Variants in EIF2AK4 observed in about 807,000 individuals in gnomAD.
EIF2AK4 encodes the protein eukaryotic translation initiation factor 2 alpha kinase 4.
Under a neutral mutation model 211.1 loss-of-function variants are expected in EIF2AK4, and 139 were observed. The observed-to-expected ratio is 0.66, with a 90% confidence interval of 0.57 to 0.76. The LOEUF (loss-of-function observed/expected upper bound fraction) is 0.76, where lower values mean the gene tolerates loss of function less well. EIF2AK4 is among the 30% of genes least tolerant of loss of function. The pLI, the probability that EIF2AK4 is intolerant of heterozygous loss-of-function variation, is 0.00. For missense variants in EIF2AK4, 1,664 were observed against 2,043.8 expected, an observed-to-expected ratio of 0.81 and a Z score of 3.58; for synonymous variants, 710 against 751.3, an observed-to-expected ratio of 0.94 and a Z score of 0.90.
intron 24 of EIF2AK4, among the ~76,000 whole-genome samples, chr15:40,007,519 G>A (rs988044831): frequency 2.0e-5 from 3 of 152,154 alleles, no homozygotes; most frequent in African/African-American, 7.2e-5. Context: ...AACGCTGAGC[G>A]CTGAGGACCT....
At chr15:40,005,370 TA>T (rs2035146018) in intron 23 of EIF2AK4, among the ~76,000 whole-genome samples, 1 of 151,674 alleles carries the variant, frequency 6.6e-6, no homozygotes, top group Non-Finnish European at 1.5e-5. Context: ...AAAGTTTTTT[TA>T]AAAAAATTGT....
chr15:40,029,679 C>T (rs1165584483), intron 34 of EIF2AK4, among the ~76,000 whole-genome samples: 5 of 152,178 alleles, frequency 3.3e-5, no homozygotes, highest in African/African-American at 4.8e-5. Context: ...TCTACTCTAT[C>T]TCTTATTTTT....
chr15:39,957,022 T>G (rs770231104), intron 6 of EIF2AK4, among the ~76,000 whole-genome samples: 3 of 152,210 alleles, frequency 2.0e-5, no homozygotes, highest in Non-Finnish European at 4.4e-5. Flanking sequence ...ACCATTCCTT[T>G]TTAAGATTAT....
chr15:39,955,505 A>G lies in EIF2AK4; in HGVS notation c.595-115A>G, dbSNP rs374308695. On this transcript the variant is annotated intron_variant, in intron 5 of 38. Transcript: ENST00000263791. ...TAAAAGTTAAGTTCAATTTTATTTCACTTGTAAACATTCAGCTTAAAATTT... is the reference window on the plus strand; with the variant it reads ...TAAAAGTTAAGTTCAATTTTATTTCGCTTGTAAACATTCAGCTTAAAATTT... 49 of 1,029,348 alleles carry G rather than the reference A, an allele frequency of 4.8e-5. 2 individuals are homozygous for G. In the African/African-American group the frequency reaches 8.1e-4, roughly 17 times the overall value. 63.8% of individuals were successfully genotyped at this position (1,029,348 alleles called of 1,614,324 possible). A position where few individuals can be genotyped will look rare whatever the true frequency, so the allele number is the denominator to read the frequency against.
At chr15:39,988,223 T>C (rs908410070) in intron 15 of EIF2AK4, 118 bp downstream of exon 15, 17 of 1,070,128 alleles carry the variant, frequency 1.6e-5, no homozygotes, top group Non-Finnish European at 2.2e-5. Context: ...TATGGGTATA[T>C]TGACATAATC....
chr15:39,990,471 A>C, intron 16 of EIF2AK4, 94 bp downstream of exon 16: 5 of 1,043,072 alleles, frequency 4.8e-6, no homozygotes, highest in Non-Finnish European at 7.3e-6. Flanking sequence ...GCGTTCACAG[A>C]ACTATGCCGT....
intron 12 of EIF2AK4, 109 bp from the exon 13 acceptor site, chr15:39,977,969 A>G: frequency 4.5e-6 from 3 of 662,578 alleles, no homozygotes; most frequent in Non-Finnish European, 7.8e-6. Context: ...CTGTGGGCTC[A>G]TGGTGTGATG....
At chr15:39,976,906 T>C in intron 12 of EIF2AK4, 62 bp downstream of exon 12, 1 of 1,404,646 alleles carries the variant, frequency 7.1e-7, no homozygotes, top group Non-Finnish European at 9.3e-7. Flanking sequence ...TCTTTATTTT[T>C]TTTTCCTTTT....
At chr15:39,992,385 C>G in intron 17 of EIF2AK4, 156 bp downstream of exon 17, 1 of 583,346 alleles carries the variant, frequency 1.7e-6, no homozygotes, top group Non-Finnish European at 2.8e-6. Context: ...ATCTTTTTTT[C>G]CTTTTCAATT....
chr15:39,968,575 C>T (rs1220059154), intron 9 of EIF2AK4, among the ~76,000 whole-genome samples: 1 of 152,228 alleles, frequency 6.6e-6, no homozygotes, highest in African/African-American at 2.4e-5. Flanking sequence ...TCCCTTCAGT[C>T]TGGATTTTTC....
chr15:39,987,493 G>C (rs2034882436), intron 14 of EIF2AK4, among the ~76,000 whole-genome samples: 1 of 152,160 alleles, frequency 6.6e-6, no homozygotes. Context: ...ACTCAAGAAG[G>C]GGTGAGACAG....
chr15:40,032,969 A>G (rs1349495007), intron 37 of EIF2AK4, among the ~76,000 whole-genome samples, 168 bp downstream of exon 37: 1 of 152,218 alleles, frequency 6.6e-6, no homozygotes, highest in Non-Finnish European at 1.5e-5. Flanking sequence ...CCTAAATCCT[A>G]TGTTGAAGGA....
intron 32 of EIF2AK4, among the ~76,000 whole-genome samples, chr15:40,023,659 C>T (rs2035424382): frequency 6.6e-6 from 1 of 152,174 alleles, no homozygotes; most frequent in South Asian, 2.1e-4. Flanking sequence ...TGTGTCCTCC[C>T]TCTTTTTTGT....
Position 39,996,959 on chromosome 15 carries a change from C to T in EIF2AK4, c.2767-5C>T, listed in dbSNP as rs779120886. The T allele has an allele frequency of 4.4e-6, 7 of 1,599,322 alleles. No individual in the cohort carries two copies. The African/African-American group carries it at 8.0e-5, about 18-fold the overall frequency. On this transcript the variant is annotated splice_region_variant and splice_polypyrimidine_tract_variant and intron_variant, in intron 18 of 38. Coordinates refer to ENST00000263791, the MANE Select transcript of EIF2AK4 (RefSeq NM_001013703.4). ...TCTCTAAATGCAATTATTCTTCCCCCTCAGAAAGTGGATCTCTTCAGCCTG... is the reference window on the plus strand; with the variant it reads ...TCTCTAAATGCAATTATTCTTCCCCTTCAGAAAGTGGATCTCTTCAGCCTG...
Position 40,035,054 on chromosome 15 carries a change from T to C in EIF2AK4, c.4920T>C (p.Tyr1640=), listed in dbSNP as rs769925613. 12 of 1,587,404 alleles carry C rather than the reference T, an allele frequency of 7.6e-6. No individual in the cohort carries two copies. The East Asian group carries it at 9.0e-5, about 12-fold the overall frequency. The part of the protein sequence containing the change: ...KKVSVLFLYS[Y]RDDYYRILF ...TGTCTGTGCTATTTCTGTACAGCTA[T>C]AGAGATGACTACTACAGAATCTTAT... Residue 1640 remains tyrosine (Y), a synonymous_variant, in exon 39 of 39, where the codon TAT becomes TAC. Coordinates refer to ENST00000263791, the MANE Select transcript of EIF2AK4 (RefSeq NM_001013703.4).
In EIF2AK4 at chr15:39,997,054, C is replaced by G. The variant is rs759101551; in HGVS notation, c.2857C>G (p.Gln953Glu). 9 of 1,611,296 alleles carry G rather than the reference C, an allele frequency of 5.6e-6. No homozygotes were observed. Among genetic ancestry groups the G allele is most frequent in the Middle Eastern group, 1.7e-4 (1 of 6,058 alleles). Reference protein sequence around the residue: ...TASERIFVLNQLRDPTSPKFP... With the variant: ...TASERIFVLNELRDPTSPKFP... ...TTCAGAAAGGATCTTTGTTCTCAAC[C>G]AACTCAGAGATGTATGTATCAGGTG... The change falls in exon 19 of 39, where the codon CAA becomes GAA. Residue 953 changes from glutamine to glutamate, a missense_variant. Coordinates refer to ENST00000263791, the MANE Select transcript of EIF2AK4 (RefSeq NM_001013703.4).
chr15:39,996,208 A>T (rs1321204910), intron 18 of EIF2AK4, among the ~76,000 whole-genome samples: 1 of 152,218 alleles, frequency 6.6e-6, no homozygotes, highest in African/African-American at 2.4e-5. Context: ...TTTGAAGGCC[A>T]TATGACCCTG....
intron 1 of EIF2AK4, among the ~76,000 whole-genome samples, chr15:39,936,274 C>A (rs1228688323): frequency 2.0e-5 from 3 of 152,182 alleles, no homozygotes; most frequent in South Asian, 2.1e-4. Context: ...GTACACCGGG[C>A]AAATGGCCTC....
chr15:39,969,356 C>CTTTTTTTTTTTT (rs10550245), intron 9 of EIF2AK4, among the ~76,000 whole-genome samples: 4 of 101,278 alleles, frequency 3.9e-5, no homozygotes, highest in Admixed American at 1.1e-4. Context: ...ATTTCTTATT[C>CTTTTTTTTTTTT]TTTTTTTTTT....
Sources: allele counts gnomAD v4.1 joint callset (sites outside exome capture counted in the v4.1 genomes callset), GRCh38; gene constraint gnomAD v4.1.1; transcripts MANE v1.5; gene names NCBI Gene and HGNC (gene_info 2026-07-23, HGNC 2026-07-21).